Variants in AUTS2 observed in about 807,000 individuals in gnomAD.
AUTS2 encodes autism susceptibility gene 2 protein.
Under a neutral mutation model 112.4 loss-of-function variants are expected in AUTS2, and 17 were observed. That is an observed-to-expected ratio of 0.15 (90% CI 0.10 to 0.23). The LOEUF (loss-of-function observed/expected upper bound fraction) is 0.23, where lower values mean the gene tolerates loss of function less well. Among genes scored for constraint, AUTS2 ranks in the 10% least tolerant of loss-of-function variants. The pLI is 1.00. For synonymous variants in AUTS2, 751 were observed against 702.7 expected (o/e 1.07, Z -1.09); for missense variants, 1,510 against 1,701.6 (o/e 0.89, Z 1.98).
chr7:70,749,757 A>T (rs1368499068), intron 6 of AUTS2, among the ~76,000 whole-genome samples: 1 of 152,208 alleles, frequency 6.6e-6, no homozygotes, highest in Non-Finnish European at 1.5e-5. Flanking sequence ...AGGAGTACAA[A>T]CAGGCATGTC....
chr7:69,832,446 G>A (rs893756918), intron 1 of AUTS2, among the ~76,000 whole-genome samples: 3 of 152,164 alleles, frequency 2.0e-5, no homozygotes, highest in Non-Finnish European at 4.4e-5. Context: ...GCAGCACACA[G>A]CAAGCATGTA....
At chr7:70,379,500 TC>T (rs1419695384) in intron 4 of AUTS2, among the ~76,000 whole-genome samples, 4 of 143,386 alleles carry the variant, frequency 2.8e-5, no homozygotes, top group African/African-American at 1.1e-4. Context: ...AGCATCCGTC[TC>T]AAAAAAAAAA....
intron 2 of AUTS2, among the ~76,000 whole-genome samples, chr7:70,088,318 G>A (rs1443127178): frequency 6.6e-6 from 1 of 151,786 alleles, no homozygotes; most frequent in Non-Finnish European, 1.5e-5. Flanking sequence ...TAGTAGAGAT[G>A]GGGTTTCACC....
chr7:70,518,408 T>C (rs1285683997), intron 5 of AUTS2, among the ~76,000 whole-genome samples: 1 of 152,002 alleles, frequency 6.6e-6, no homozygotes, highest in Non-Finnish European at 1.5e-5. Flanking sequence ...TTGGGCTGGG[T>C]GCGGTGGCTC....
intron 4 of AUTS2, among the ~76,000 whole-genome samples, chr7:70,168,137 A>G (rs1808478068): frequency 6.6e-6 from 1 of 152,242 alleles, no homozygotes; most frequent in South Asian, 2.1e-4. Context: ...GTTACAGAAT[A>G]TCCATGAATT....
chr7:70,023,727 G>A (rs779394796), intron 2 of AUTS2, among the ~76,000 whole-genome samples: 1 of 152,260 alleles, frequency 6.6e-6, no homozygotes, highest in African/African-American at 2.4e-5. Flanking sequence ...AATAAATATA[G>A]CAAAGGAGTC....
intron 2 of AUTS2, among the ~76,000 whole-genome samples, chr7:70,026,657 T>G (rs1032819164): frequency 1.3e-5 from 2 of 152,234 alleles, no homozygotes; most frequent in African/African-American, 2.4e-5. Flanking sequence ...TTTAGATGAC[T>G]GTGTGAATCT....
intron 1 of AUTS2, among the ~76,000 whole-genome samples, chr7:69,618,291 A>T (rs1374004004): frequency 6.6e-6 from 1 of 152,160 alleles, no homozygotes; most frequent in Non-Finnish European, 1.5e-5. Flanking sequence ...AGTAATACCA[A>T]CTTGTCACAA....
intron 5 of AUTS2, among the ~76,000 whole-genome samples, chr7:70,696,638 G>C (rs1165073319): frequency 6.6e-6 from 1 of 151,884 alleles, no homozygotes; most frequent in African/African-American, 2.4e-5. Context: ...AGAAGCAAAA[G>C]GCCTGTTCAC....
At chr7:70,785,332 T>G in intron 16 of AUTS2, 1 of 578,968 alleles carries the variant, frequency 1.7e-6, no homozygotes, top group African/African-American at 1.8e-5. Context: ...AGCCTGTTCC[T>G]GCCCATTGGA....
intron 3 of AUTS2, among the ~76,000 whole-genome samples, chr7:70,126,111 G>A (rs1026664466): frequency 2.0e-5 from 3 of 152,064 alleles, no homozygotes; most frequent in East Asian, 1.9e-4. Context: ...TGACTCATGC[G>A]TAAAGCTTAA....
At chr7:69,997,944 C>T (rs533281591) in intron 2 of AUTS2, among the ~76,000 whole-genome samples, 1 of 152,214 alleles carries the variant, frequency 6.6e-6, no homozygotes, top group Admixed American at 6.5e-5. Flanking sequence ...CTTATAAACC[C>T]AGGTGTGCTT....
At chr7:69,875,794 A>G (rs781018243) in intron 1 of AUTS2, among the ~76,000 whole-genome samples, 4 of 152,242 alleles carry the variant, frequency 2.6e-5, no homozygotes, top group Non-Finnish European at 4.4e-5. Context: ...TGAAGAGGTC[A>G]GAGCCTCTAT....
chr7:70,010,987 C>T lies in AUTS2; in HGVS notation c.523-107145C>T, dbSNP rs147760110. 6.2e-4 allele frequency among the ~76,000 whole-genome samples: 95 copies of T among 152,286 alleles called. 1 individual carries two copies. The highest frequency in any genetic ancestry group is 1.7e-3 in the Admixed American group (26 of 15,294). Reference sequence around the variant, plus strand: ...TGACTTACTTGAGTAATTTTTGACACATACTTGATTTGGTCATCAGGCATA... The same window carrying T: ...TGACTTACTTGAGTAATTTTTGACATATACTTGATTTGGTCATCAGGCATA... On this transcript the variant is annotated intron_variant, in intron 2 of 18. Coordinates refer to ENST00000342771, the MANE Select transcript of AUTS2 (RefSeq NM_015570.4).
At chr7:70,298,919 C>T (rs1789069983) in intron 4 of AUTS2, among the ~76,000 whole-genome samples, 1 of 152,204 alleles carries the variant, frequency 6.6e-6, no homozygotes, top group Admixed American at 6.5e-5. Context: ...TAGGTTTCAC[C>T]CTCCCATTTA....
In AUTS2 at chr7:70,526,394, G is replaced by A. The variant is rs191575368; in HGVS notation, c.690+90613G>A. On this transcript the variant is annotated intron_variant, in intron 5 of 18. Transcript: ENST00000342771. ...TCTTCAAGATCCTGCTTCTGAGGCC[G>A]TGTGCGGTGGCTTACACCTGTAATC... Among the ~76,000 whole-genome samples, 132 of 152,274 alleles carry A rather than the reference G, an allele frequency of 8.7e-4. 1 individual carries two copies. Among genetic ancestry groups the A allele is most frequent in the Non-Finnish European group, 1.3e-3 (91 of 68,028 alleles).
At chr7:69,946,819 T>C (rs998143831) in intron 2 of AUTS2, among the ~76,000 whole-genome samples, 1 of 152,200 alleles carries the variant, frequency 6.6e-6, no homozygotes, top group Admixed American at 6.5e-5. Flanking sequence ...TTATGATGTC[T>C]TGAATATAGA....
intron 4 of AUTS2, among the ~76,000 whole-genome samples, chr7:70,421,680 A>T (rs766222875): frequency 1.7e-4 from 26 of 152,348 alleles, no homozygotes; most frequent in South Asian, 8.3e-4. Flanking sequence ...TGGAATTTGT[A>T]CAACCTCTTT....
At chr7:70,643,029 T>G (rs922701411) in intron 5 of AUTS2, among the ~76,000 whole-genome samples, 2 of 152,208 alleles carry the variant, frequency 1.3e-5, no homozygotes, top group African/African-American at 4.8e-5. Flanking sequence ...TTTTTAAATG[T>G]TTTTGGTTTT....
Sources: gnomAD v4.1 joint callset for allele counts (sites outside exome capture counted in the v4.1 genomes callset) on GRCh38, gnomAD v4.1.1 for gene constraint, MANE v1.5 for transcripts, NCBI Gene and HGNC (gene_info 2026-07-23, HGNC 2026-07-21) for gene names.